The following MGAT3 variants were observed in gnomAD, a reference collection of about 807,000 sequenced individuals.
The protein encoded by MGAT3 is GlcNAc-T III.
MGAT3 carries 9 observed loss-of-function variants against 29.8 expected under a neutral mutation model. The observed-to-expected ratio is 0.30, with a 90% CI of 0.18 to 0.53. The LOEUF is 0.53. Among genes scored for constraint, MGAT3 ranks in the 20% least tolerant of loss-of-function variants. The pLI, the probability that MGAT3 is intolerant of heterozygous loss-of-function variation, is 0.96. For synonymous variants in MGAT3, 397 were observed against 348.9 expected, an observed-to-expected ratio of 1.14 and a Z score of -1.54; for missense variants, 557 against 769.5, an observed-to-expected ratio of 0.72 and a Z score of 3.27.
intron 1 of MGAT3, among the ~76,000 whole-genome samples, chr22:39,470,850 G>C (rs1292456183): frequency 6.6e-6 from 1 of 152,196 alleles, no homozygotes; most frequent in Admixed American, 6.5e-5. Context: ...CCAAGATCAC[G>C]GAGGAGGGTT....
At chr22:39,469,194 C>T (rs1928740536) in intron 1 of MGAT3, among the ~76,000 whole-genome samples, 2 of 151,294 alleles carry the variant, frequency 1.3e-5, no homozygotes, top group South Asian at 4.2e-4. Context: ...GACGGACAAG[C>T]CTTGGTGATG....
At position 39,478,990 on chromosome 22, in the gene MGAT3, C is replaced by G. The variant is rs532751061; in HGVS notation, c.-1-8357C>G. Among the ~76,000 whole-genome samples the G allele has an allele frequency of 2.0e-5, 3 of 152,358 alleles. No homozygotes were observed. In the East Asian group the frequency reaches 5.8e-4, roughly 29 times the overall value. On this transcript the variant is annotated intron_variant, in intron 1 of 1. Transcript: ENST00000341184. Reference sequence around the variant, plus strand: ...CCATCCTGGGTCAGCCTCAGCCTCCCTCTTCCAGGATCACCTGGCTGCCAG... The same window carrying G: ...CCATCCTGGGTCAGCCTCAGCCTCCGTCTTCCAGGATCACCTGGCTGCCAG...
chr22:39,467,365 G>C (rs1204556511), intron 1 of MGAT3, among the ~76,000 whole-genome samples: 1 of 152,202 alleles, frequency 6.6e-6, no homozygotes, highest in African/African-American at 2.4e-5. Context: ...GCCTGGCTGG[G>C]GTGTGCTTTG....
At chr22:39,485,565 C>CG (rs1929247685) in intron 1 of MGAT3, among the ~76,000 whole-genome samples, 2 of 152,188 alleles carry the variant, frequency 1.3e-5, no homozygotes, top group African/African-American at 4.8e-5. Context: ...TCGAGGTGGG[C>CG]GGATCACCTG....
At chr22:39,463,379 C>G (rs1209222762) in intron 1 of MGAT3, among the ~76,000 whole-genome samples, 2 of 152,182 alleles carry the variant, frequency 1.3e-5, no homozygotes, top group African/African-American at 4.8e-5. Flanking sequence ...CAGACCTGTT[C>G]CTTCTCTCCC....
intron 1 of MGAT3, among the ~76,000 whole-genome samples, chr22:39,473,267 G>C (rs530202943): frequency 1.3e-5 from 2 of 152,282 alleles, no homozygotes; most frequent in East Asian, 3.9e-4. Flanking sequence ...TCTGGAGGCT[G>C]GGAAGTCCAG....
intron 1 of MGAT3, among the ~76,000 whole-genome samples, chr22:39,466,533 A>C (rs142434364): frequency 5.8e-4 from 88 of 152,202 alleles, no homozygotes; most frequent in African/African-American, 2.1e-3. Context: ...CATACTCCGT[A>C]TGTGAGCCTC....
intron 1 of MGAT3, among the ~76,000 whole-genome samples, chr22:39,481,287 C>T (rs1054478927): frequency 1.3e-5 from 2 of 152,234 alleles, no homozygotes; most frequent in African/African-American, 4.8e-5. Context: ...GTGAGCCTGC[C>T]CTGCCCACTC....
At position 39,487,177 on chromosome 22, in the gene MGAT3, C is replaced by CT. The variant is rs1262188065; in HGVS notation, c.-1-168dup. ...CCTCAGTGCTGGGGCTTTCAGGGGC[C>CT]TTGGTACCGCGAGTTGACTCTTGGG... On this transcript the variant is annotated intron_variant, in intron 1 of 1. Coordinates refer to ENST00000341184, the MANE Select transcript of MGAT3 (RefSeq NM_002409.5). The surrounding 1 kb of genome is among the most constrained non-coding windows in gnomAD (Gnocchi z 5.7). 9.1e-6 allele frequency: 2 copies of CT among 219,962 alleles called. No homozygotes were observed. The highest frequency in any genetic ancestry group is 4.7e-5 in the African/African-American group (2 of 42,506). 13.6% of individuals were successfully genotyped at this position (219,962 alleles called of 1,614,324 possible).
intron 1 of MGAT3, among the ~76,000 whole-genome samples, chr22:39,468,099 CAG>C (rs1404739642): frequency 6.6e-6 from 1 of 152,032 alleles, no homozygotes; most frequent in Non-Finnish European, 1.5e-5. Flanking sequence ...GGAAAAGAGA[CAG>C]GGTGCCTTGT....
chr22:39,486,148 T>A (rs762970612), intron 1 of MGAT3: 22 of 359,604 alleles, frequency 6.1e-5, no homozygotes, highest in South Asian at 4.6e-4. Context: ...CCTCAAATTT[T>A]TTTTTTTTTT....
In MGAT3 at chr22:39,488,006, T is replaced by G; in HGVS notation, c.659T>G (p.Leu220Arg). The change falls in exon 2 of 2, where the codon CTG becomes CGG. Residue 220 changes from leucine (L) to arginine (R), a missense_variant. Coordinates refer to ENST00000341184, the MANE Select transcript of MGAT3 (RefSeq NM_002409.5). ...NAINVNHEFD[L>R]LDVRFHELGD... ...ATCAACGTCAACCACGAGTTCGACC[T>G]GCTGGACGTGCGCTTCCACGAGCTG... 6.2e-7 allele frequency: 1 copy of G among 1,613,192 alleles called. No homozygotes were observed. The highest frequency in any genetic ancestry group is 8.5e-7 in the Non-Finnish European group (1 of 1,179,880).
At chr22:39,462,108 G>A (rs1928516165) in intron 1 of MGAT3, among the ~76,000 whole-genome samples, 1 of 152,082 alleles carries the variant, frequency 6.6e-6, no homozygotes, top group Non-Finnish European at 1.5e-5. Flanking sequence ...CACCATGTGG[G>A]CCAGATGTTC....
At chr22:39,486,045 A>G (rs906638415) in intron 1 of MGAT3, 4 of 330,630 alleles carry the variant, frequency 1.2e-5, no homozygotes, top group Non-Finnish European at 2.3e-5. Flanking sequence ...GATTGAGGAA[A>G]ACAACTTGGT....
In MGAT3 at chr22:39,489,170, C is replaced by T. The variant is rs1929382204; in HGVS notation, c.*221C>T. On this transcript the variant is annotated 3_prime_UTR_variant, in exon 2 of 2. Coordinates refer to ENST00000341184, the MANE Select transcript of MGAT3 (RefSeq NM_002409.5). ...TGTTGGGAGAGGGCGCAGGCCGTGA[C>T]GTCTGGGTGGCCCTTATGACTGCCA... 1 of 684,208 alleles carries T rather than the reference C, an allele frequency of 1.5e-6. No individual in the cohort carries two copies. The highest frequency in any genetic ancestry group is 2.0e-5 in the South Asian group (1 of 50,242). The allele number at this position is 684,208 out of a possible 1,614,324, so 42.4% of individuals were successfully genotyped here.
chr22:39,468,548 C>T (rs1227815190), intron 1 of MGAT3, among the ~76,000 whole-genome samples: 1 of 152,240 alleles, frequency 6.6e-6, no homozygotes, highest in Non-Finnish European at 1.5e-5. Context: ...TTAGGATTCA[C>T]GTAGCTAAGC....
intron 1 of MGAT3, among the ~76,000 whole-genome samples, chr22:39,479,599 C>T (rs970821456): frequency 6.6e-6 from 1 of 152,238 alleles, no homozygotes; most frequent in Non-Finnish European, 1.5e-5. Flanking sequence ...TGTCCCCACC[C>T]AAAGGCTCAC....
chr22:39,482,565 T>A (rs1038136600), intron 1 of MGAT3, among the ~76,000 whole-genome samples: 1 of 152,206 alleles, frequency 6.6e-6, no homozygotes, highest in East Asian at 1.9e-4. Context: ...CCTACCAGAG[T>A]GCCTGTGAGA....
rs1357848934 is a variant in MGAT3, at chr22:39,457,055, CGCGCGGGCG to C, written c.-496_-488del. Among the ~76,000 whole-genome samples, 3 of 150,422 alleles carry C rather than the reference CGCGCGGGCG, an allele frequency of 2.0e-5. No individual in the cohort carries two copies. The highest frequency in any genetic ancestry group is 3.0e-5 in the Non-Finnish European group (2 of 67,504). ...GCACACGCACACACTCGATCCAGCA[CGCGCGGGCG>C]GCGCGGGGCGGCGGCGGCCGGAGTC... On this transcript the variant is annotated 5_prime_UTR_variant, in exon 1 of 2. Coordinates refer to ENST00000341184, the MANE Select transcript of MGAT3 (RefSeq NM_002409.5). This position sits in a 1 kb window ranked among gnomAD's most constrained non-coding sequence, Gnocchi z 6.8.
Sources: allele counts gnomAD v4.1 joint callset (sites outside exome capture counted in the v4.1 genomes callset), GRCh38; gene constraint gnomAD v4.1.1; non-coding constraint Gnocchi (gnomAD v3.1); transcripts MANE v1.5; gene names NCBI Gene and HGNC (gene_info 2026-07-23, HGNC 2026-07-21).